The following UGGT2 variants were observed in gnomAD, a reference collection of about 807,000 sequenced individuals.
UGGT2 encodes UDP-glucose glycoprotein glucosyltransferase 2, also known as UDP-glucose:glycoprotein glucosyltransferase 2.
In UGGT2, 180 loss-of-function variants were observed where a neutral mutation model predicts 192.1. The observed-to-expected ratio is 0.94, with a 90% CI of 0.83 to 1.06. The LOEUF (loss-of-function observed/expected upper bound fraction) is 1.06. Among genes scored for constraint, UGGT2 ranks in the 50% least tolerant of loss-of-function variants. UGGT2 has a pLI of 0.00. For synonymous variants in UGGT2, 580 were observed against 591.0 expected, an observed-to-expected ratio of 0.98 and a Z score of 0.27; for missense variants, 1,849 against 1,795.7, an observed-to-expected ratio of 1.03 and a Z score of -0.54.
At chr13:95,987,812 G>T (rs934507136) in intron 8 of UGGT2, among the ~76,000 whole-genome samples, 6 of 152,220 alleles carry the variant, frequency 3.9e-5, no homozygotes, top group African/African-American at 9.6e-5. Flanking sequence ...CTTTCTCAGA[G>T]AAGAGGACTG....
At chr13:96,047,620 A>C (rs995660635) in intron 1 of UGGT2, among the ~76,000 whole-genome samples, 2 of 152,200 alleles carry the variant, frequency 1.3e-5, no homozygotes, top group Non-Finnish European at 2.9e-5. Context: ...ACATAGGCTC[A>C]AAATAAAGGG....
At chr13:96,000,595 T>C (rs1486106319) in intron 5 of UGGT2, among the ~76,000 whole-genome samples, 1 of 152,218 alleles carries the variant, frequency 6.6e-6, no homozygotes, top group Admixed American at 6.5e-5. Flanking sequence ...ACATTTTGAA[T>C]ATCTAGTCAA....
intron 17 of UGGT2, among the ~76,000 whole-genome samples, chr13:95,927,600 C>T (rs902663868): frequency 6.6e-6 from 1 of 151,728 alleles, no homozygotes; most frequent in African/African-American, 2.4e-5. Flanking sequence ...GTGAGCAGGA[C>T]AATTCTCATT....
intron 21 of UGGT2, 37 bp from the exon 22 acceptor site, chr13:95,900,975 G>A (rs772430323): frequency 2.1e-6 from 3 of 1,413,884 alleles, no homozygotes; most frequent in East Asian, 2.5e-5. Context: ...ACTAATATGA[G>A]AACAGTAAAT....
chr13:95,850,910 A>G (rs1331545072), intron 36 of UGGT2, among the ~76,000 whole-genome samples: 1 of 152,226 alleles, frequency 6.6e-6, no homozygotes, highest in Admixed American at 6.5e-5. Flanking sequence ...GTCTCACCCA[A>G]GGTCACCCCC....
intron 38 of UGGT2, among the ~76,000 whole-genome samples, chr13:95,804,379 C>T (rs1566529164): frequency 1.3e-5 from 2 of 152,132 alleles, no homozygotes; most frequent in South Asian, 2.1e-4. Context: ...GTCTATACTA[C>T]CCAAAGCAAT....
intron 25 of UGGT2, among the ~76,000 whole-genome samples, chr13:95,889,664 T>C (rs2047745316): frequency 1.3e-5 from 2 of 152,206 alleles, no homozygotes; most frequent in Non-Finnish European, 2.9e-5. Context: ...TTTGAATGTT[T>C]GACATTCTAA....
chr13:95,883,589 G>A (rs2047555589), intron 27 of UGGT2, among the ~76,000 whole-genome samples: 1 of 152,066 alleles, frequency 6.6e-6, no homozygotes, highest in African/African-American at 2.4e-5. Flanking sequence ...GTCTGATGGT[G>A]TTAAAGTGTG....
At chr13:96,026,460 C>A (rs2052667518) in intron 2 of UGGT2, among the ~76,000 whole-genome samples, 1 of 151,946 alleles carries the variant, frequency 6.6e-6, no homozygotes, top group African/African-American at 2.4e-5. Flanking sequence ...AAGCTATAAA[C>A]CATGAAGGAA....
chr13:95,884,403 G>T, intron 27 of UGGT2, 88 bp downstream of exon 27: 1 of 1,043,626 alleles, frequency 9.6e-7, no homozygotes, highest in Non-Finnish European at 1.3e-6. Flanking sequence ...AACATTCATA[G>T]TATGATTGCT....
chr13:95,978,150 C>T (rs1038195006), intron 10 of UGGT2, among the ~76,000 whole-genome samples: 14 of 151,996 alleles, frequency 9.2e-5, no homozygotes, highest in African/African-American at 2.4e-4. Flanking sequence ...GTAACAAACC[C>T]GCATGTTCTG....
At chr13:95,894,885 T>A (rs7322566) in intron 23 of UGGT2, among the ~76,000 whole-genome samples, 54,461 of 151,882 alleles carry the variant, frequency 0.36, 10,160 homozygotes, top group Middle Eastern at 0.42. Context: ...AAGACAAATA[T>A]GGGAACCATG....
At chr13:95,851,979 C>T (rs1889097978) in intron 36 of UGGT2, among the ~76,000 whole-genome samples, 1 of 152,116 alleles carries the variant, frequency 6.6e-6, no homozygotes, top group African/African-American at 2.4e-5. Context: ...TTGAGGGTTA[C>T]TGAGGACCCT....
chr13:95,828,725 T>A (rs3125439), intron 38 of UGGT2, among the ~76,000 whole-genome samples: 123,506 of 151,980 alleles, frequency 0.81, 51,051 homozygotes, highest in East Asian at 0.94. Flanking sequence ...TTCACAGTCC[T>A]ATTCTACCAG....
chr13:95,910,582 C>A (rs76835804), intron 20 of UGGT2, among the ~76,000 whole-genome samples: 9 of 152,164 alleles, frequency 5.9e-5, no homozygotes, highest in African/African-American at 1.7e-4. Context: ...CACCCAGATT[C>A]ATAAAGCAAG....
intron 6 of UGGT2, among the ~76,000 whole-genome samples, chr13:95,997,784 C>T (rs2051673022): frequency 6.6e-6 from 1 of 152,198 alleles, no homozygotes; most frequent in Admixed American, 6.5e-5. Flanking sequence ...TGCATAAAAG[C>T]ATCCAGGGAA....
At chr13:95,866,900 A>T (rs960456408) in intron 30 of UGGT2, among the ~76,000 whole-genome samples, 2 of 151,960 alleles carry the variant, frequency 1.3e-5, no homozygotes, top group Non-Finnish European at 1.5e-5. Flanking sequence ...TGCTTTTAAA[A>T]TTTTTTTAAA....
intron 20 of UGGT2, among the ~76,000 whole-genome samples, chr13:95,921,405 A>G (rs1256772056): frequency 6.6e-6 from 1 of 151,450 alleles, no homozygotes; most frequent in Non-Finnish European, 1.5e-5. Context: ...GCTGTTTTCC[A>G]GATAGTGGAT....
intron 29 of UGGT2, among the ~76,000 whole-genome samples, chr13:95,872,929 T>C (rs1320098183): frequency 6.6e-6 from 1 of 152,206 alleles, no homozygotes; most frequent in Non-Finnish European, 1.5e-5. Flanking sequence ...TCTACAATGA[T>C]TTTCCCATTT....
Sources: allele counts gnomAD v4.1 joint callset (sites outside exome capture counted in the v4.1 genomes callset), GRCh38; gene constraint gnomAD v4.1.1; transcripts MANE v1.5; gene names NCBI Gene and HGNC (gene_info 2026-07-23, HGNC 2026-07-21).